The following KCNMA1 variants were observed in gnomAD, a reference collection of about 807,000 sequenced individuals.
The protein encoded by KCNMA1 is potassium calcium-activated channel subfamily M alpha 1, also known as Calcium-activated potassium channel subunit alpha-1.
A neutral mutation model predicts 140.0 loss-of-function variants in KCNMA1; 29 were observed. The observed-to-expected ratio is 0.21, with a 90% confidence interval of 0.15 to 0.28. The LOEUF (loss-of-function observed/expected upper bound fraction) is 0.28. Among genes scored for constraint, KCNMA1 ranks in the 10% least tolerant of loss-of-function variants. KCNMA1 has a pLI of 1.00. For missense variants in KCNMA1, 880 were observed against 1,602.2 expected (o/e 0.55, Z 7.70); for synonymous variants, 612 against 611.9 (o/e 1.00, Z 0.00).
intron 1 of KCNMA1, among the ~76,000 whole-genome samples, chr10:77,523,208 C>CCCCG (rs1555416245): frequency 6.7e-6 from 1 of 149,726 alleles, no homozygotes; most frequent in Admixed American, 6.6e-5. Flanking sequence ...GACGTGCCCC[C>CCCCG]CCCCCTTGCA....
chr10:77,312,830 T>C (rs2079697463), intron 2 of KCNMA1, among the ~76,000 whole-genome samples: 1 of 152,184 alleles, frequency 6.6e-6, no homozygotes, highest in Non-Finnish European at 1.5e-5. Context: ...GTTTCCATTG[T>C]ATGCATGAAG....
intron 19 of KCNMA1, among the ~76,000 whole-genome samples, chr10:76,992,478 G>C (rs1335064982): frequency 1.3e-5 from 2 of 152,180 alleles, no homozygotes; most frequent in South Asian, 4.2e-4. Context: ...CCTGTAAGCA[G>C]ATGTGGCGAT....
rs2152944830 is a variant in KCNMA1 at position 76,949,372 on chromosome 10, A to G, written c.2485-6T>C. On this transcript the variant is annotated splice_polypyrimidine_tract_variant and splice_region_variant and intron_variant, in intron 21 of 27. Coordinates refer to ENST00000286628, the MANE Select transcript of KCNMA1 (RefSeq NM_001161352.2). ...ATGGCAGCTTCACTTCGAGTCTACA[A>G]CAGGGAGAAGTGGGTAAGAGTCAGA... 3.1e-6 allele frequency: 5 copies of G among 1,611,740 alleles called. No homozygotes were observed. Among genetic ancestry groups the G allele is most frequent in the Non-Finnish European group, 4.2e-6 (5 of 1,178,222 alleles).
intron 2 of KCNMA1, among the ~76,000 whole-genome samples, chr10:77,256,575 T>G (rs2060805276): frequency 6.6e-6 from 1 of 152,202 alleles, no homozygotes; most frequent in South Asian, 2.1e-4. Flanking sequence ...GTATGAGGCC[T>G]GCAGGCTTAG....
intron 2 of KCNMA1, among the ~76,000 whole-genome samples, chr10:77,397,861 A>G (rs1303331377): frequency 1.3e-5 from 2 of 152,102 alleles, no homozygotes; most frequent in African/African-American, 2.4e-5. Context: ...TCATGAGAAC[A>G]TGTGGTATTT....
intron 23 of KCNMA1, among the ~76,000 whole-genome samples, chr10:76,932,630 G>C (rs568314128): frequency 1.3e-5 from 2 of 152,138 alleles, no homozygotes; most frequent in African/African-American, 4.8e-5. Flanking sequence ...TAGATATATA[G>C]ATGAGGAAAT....
At chr10:77,582,668 G>A (rs776981831) in intron 1 of KCNMA1, among the ~76,000 whole-genome samples, 2 of 152,220 alleles carry the variant, frequency 1.3e-5, no homozygotes, top group Non-Finnish European at 2.9e-5. Flanking sequence ...CAAGCAAGAA[G>A]TATTGCCTCT....
intron 6 of KCNMA1, among the ~76,000 whole-genome samples, chr10:77,116,853 T>C (rs1033160505): frequency 1.6e-4 from 25 of 152,150 alleles, no homozygotes; most frequent in Non-Finnish European, 1.0e-4. Flanking sequence ...TGGATCTTTC[T>C]AAAATGTCAG....
At chr10:77,068,864 C>T (rs1250731477) in intron 14 of KCNMA1, among the ~76,000 whole-genome samples, 2 of 16,288 alleles carry the variant, frequency 1.2e-4, no homozygotes, top group African/African-American at 2.9e-4. Flanking sequence ...CACACACACA[C>T]ACACACACAC....
intron 25 of KCNMA1, among the ~76,000 whole-genome samples, chr10:76,898,155 T>G (rs1159790738): frequency 6.6e-6 from 1 of 151,866 alleles, no homozygotes; most frequent in Non-Finnish European, 1.5e-5. Context: ...GGCAAAGATT[T>G]TCAGACTTGT....
intron 1 of KCNMA1, among the ~76,000 whole-genome samples, chr10:77,499,311 G>A (rs1172416084): frequency 6.6e-6 from 1 of 151,470 alleles, no homozygotes; most frequent in Non-Finnish European, 1.5e-5. Context: ...AGCCAATTCA[G>A]AATAAACCTA....
chr10:77,443,959 C>T (rs1244654689), intron 1 of KCNMA1, among the ~76,000 whole-genome samples: 3 of 151,878 alleles, frequency 2.0e-5, no homozygotes, highest in Non-Finnish European at 2.9e-5. Context: ...GATAGATATC[C>T]CAATAACCCT....
At chr10:77,212,360 C>A (rs2046345871) in intron 3 of KCNMA1, among the ~76,000 whole-genome samples, 1 of 152,142 alleles carries the variant, frequency 6.6e-6, no homozygotes, top group Non-Finnish European at 1.5e-5. Flanking sequence ...GAAAACCAAA[C>A]ACTGCGTGTT....
At chr10:76,954,274 C>CAA (rs2067339379) in intron 20 of KCNMA1, among the ~76,000 whole-genome samples, 1 of 141,656 alleles carries the variant, frequency 7.1e-6, no homozygotes, top group East Asian at 2.6e-4. Flanking sequence ...AGCGTGCACA[C>CAA]ACACACACAC....
chr10:77,336,567 T>G (rs1203513636), intron 2 of KCNMA1, among the ~76,000 whole-genome samples: 1 of 152,188 alleles, frequency 6.6e-6, no homozygotes, highest in African/African-American at 2.4e-5. Flanking sequence ...TTAGTGAAAG[T>G]AGAAGCTATT....
In KCNMA1 at chr10:77,282,908, G is replaced by T. The variant is rs78533058; in HGVS notation, c.541-31652C>A. On this transcript the variant is annotated intron_variant, in intron 2 of 27. Transcript: ENST00000286628. ...TTTTGACATAAAAAAACAAAAGAAAGAAACACAAGTGATTGTAGCACCAGG... is the reference window on the plus strand; with the variant it reads ...TTTTGACATAAAAAAACAAAAGAAATAAACACAAGTGATTGTAGCACCAGG... 6.2e-3 allele frequency among the ~76,000 whole-genome samples: 949 copies of T among 152,310 alleles called. 9 individuals carry two copies. The highest frequency in any genetic ancestry group is 0.022 in the African/African-American group (897 of 41,560).
At chr10:77,497,369 G>A (rs1229814956) in intron 1 of KCNMA1, among the ~76,000 whole-genome samples, 1 of 152,146 alleles carries the variant, frequency 6.6e-6, no homozygotes, top group Non-Finnish European at 1.5e-5. Flanking sequence ...CAAGCCTATG[G>A]CCAGACACAG....
chr10:77,422,709 G>T (rs1326083969), intron 1 of KCNMA1, among the ~76,000 whole-genome samples: 23 of 152,290 alleles, frequency 1.5e-4, no homozygotes, highest in Middle Eastern at 3.4e-3. Context: ...AATATGACTG[G>T]TGTCCCTAGG....
intron 1 of KCNMA1, among the ~76,000 whole-genome samples, chr10:77,589,262 T>C (rs2078250548): frequency 6.6e-6 from 1 of 152,132 alleles, no homozygotes; most frequent in African/African-American, 2.4e-5. Flanking sequence ...CATGGATGAC[T>C]GGGGAGGCAG....
Sources: gnomAD v4.1 joint callset for allele counts (sites outside exome capture counted in the v4.1 genomes callset) on GRCh38, gnomAD v4.1.1 for gene constraint, MANE v1.5 for transcripts, NCBI Gene and HGNC (gene_info 2026-07-23, HGNC 2026-07-21) for gene names.